Variants in RELN observed in about 807,000 individuals in gnomAD.
RELN encodes reelin.
Under a neutral mutation model 427.6 loss-of-function variants are expected in RELN, and 108 were observed. The ratio of observed to expected loss-of-function variants is 0.25; its 90% CI spans 0.22 to 0.30. RELN has a LOEUF of 0.30. Among genes scored for constraint, RELN ranks in the 10% least tolerant of loss-of-function variants. The pLI, the probability that RELN is intolerant of heterozygous loss-of-function variation, is 1.00. For missense variants in RELN, 3,715 were observed against 4,302.8 expected, an observed-to-expected ratio of 0.86 and a Z score of 3.82; for synonymous variants, 1,524 against 1,513.4, an observed-to-expected ratio of 1.01 and a Z score of -0.16.
chr7:103,763,609 G>A (rs545652552), intron 4 of RELN, among the ~76,000 whole-genome samples: 10 of 152,310 alleles, frequency 6.6e-5, no homozygotes, highest in African/African-American at 2.2e-4. Flanking sequence ...AGGAGGTATG[G>A]AGGAAAGTAC....
intron 28 of RELN, among the ~76,000 whole-genome samples, chr7:103,581,162 A>G (rs1426687051): frequency 1.3e-5 from 2 of 152,220 alleles, no homozygotes; most frequent in African/African-American, 4.8e-5. Context: ...AACCACTATC[A>G]GGGAACAGAC....
At chr7:103,533,334 C>T (rs1829980866) in intron 46 of RELN, among the ~76,000 whole-genome samples, 2 of 152,206 alleles carry the variant, frequency 1.3e-5, no homozygotes, top group Non-Finnish European at 1.5e-5. Context: ...CAATACGTTT[C>T]CAGATAACAG....
In RELN at chr7:103,624,675, G is replaced by A. The variant is rs147990349; in HGVS notation, c.2702+5265C>T. The stretch of plus-strand genomic sequence containing the variant: ...ACTCCTGACCTCAGGTGATCCACCC[G>A]CCTCGGCCTCCCATTGGGATGACAG... On this transcript the variant is annotated intron_variant, in intron 20 of 64. Transcript: ENST00000428762. Among the ~76,000 whole-genome samples the A allele has an allele frequency of 8.1e-3, 1,230 of 152,212 alleles. 28 individuals carry two copies. Among genetic ancestry groups the A allele is most frequent in the African/African-American group, 0.027 (1,124 of 41,520 alleles).
intron 57 of RELN, among the ~76,000 whole-genome samples, chr7:103,495,070 A>T (rs921925090): frequency 4.6e-5 from 7 of 152,032 alleles, no homozygotes; most frequent in Admixed American, 2.6e-4. Flanking sequence ...TTACAAGGGT[A>T]GGGAGACTGA....
intron 2 of RELN, among the ~76,000 whole-genome samples, chr7:103,848,649 G>T (rs1294909765): frequency 6.6e-6 from 1 of 152,122 alleles, no homozygotes; most frequent in Non-Finnish European, 1.5e-5. Context: ...TGTAAACTAG[G>T]TGACACGCCT....
intron 2 of RELN, among the ~76,000 whole-genome samples, chr7:103,843,225 G>A (rs1793596999): frequency 6.6e-6 from 1 of 151,332 alleles, no homozygotes; most frequent in East Asian, 1.9e-4. Context: ...TTTTTTAGGA[G>A]ACAGGGTCTT....
chr7:103,811,535 C>A (rs977860237), intron 3 of RELN, among the ~76,000 whole-genome samples: 1 of 152,162 alleles, frequency 6.6e-6, no homozygotes, highest in Non-Finnish European at 1.5e-5. Context: ...ATAGCCTGCA[C>A]AGAGACTGCA....
At chr7:103,906,826 T>C (rs1482899999) in intron 2 of RELN, among the ~76,000 whole-genome samples, 1 of 152,198 alleles carries the variant, frequency 6.6e-6, no homozygotes, top group Non-Finnish European at 1.5e-5. Context: ...TCTTGATGTC[T>C]AAGCAGAACT....
intron 4 of RELN, among the ~76,000 whole-genome samples, chr7:103,761,807 A>T (rs1416667235): frequency 1.3e-5 from 2 of 152,344 alleles, no homozygotes; most frequent in Admixed American, 1.3e-4. Context: ...TAAAAATCCT[A>T]GACCTTTGAG....
chr7:103,496,420 T>C, intron 56 of RELN, 106 bp downstream of exon 56: 1 of 1,447,808 alleles, frequency 6.9e-7, no homozygotes, highest in African/African-American at 1.4e-5. Flanking sequence ...AGCAGGAGTA[T>C]GGGCTAGGCA....
intron 10 of RELN, among the ~76,000 whole-genome samples, chr7:103,692,022 G>T (rs147253467): frequency 6.6e-5 from 10 of 152,094 alleles, no homozygotes; most frequent in Admixed American, 5.9e-4. Context: ...GTTAAGCCAA[G>T]ATTTGAACCC....
At chr7:103,813,688 A>T (rs1016071803) in intron 3 of RELN, among the ~76,000 whole-genome samples, 3 of 152,184 alleles carry the variant, frequency 2.0e-5, no homozygotes, top group African/African-American at 7.2e-5. Flanking sequence ...CCATGAGCAT[A>T]GCAAGAAAAT....
chr7:103,682,714 A>G (rs1015524697), intron 10 of RELN, among the ~76,000 whole-genome samples: 21 of 152,200 alleles, frequency 1.4e-4, no homozygotes, highest in African/African-American at 4.8e-4. Flanking sequence ...ATATGAGTAG[A>G]ACAGCCAGCT....
At chr7:103,705,058 G>A (rs1349448293) in intron 8 of RELN, among the ~76,000 whole-genome samples, 1 of 152,044 alleles carries the variant, frequency 6.6e-6, no homozygotes, top group Non-Finnish European at 1.5e-5. Flanking sequence ...TTGCTTCTGA[G>A]CCTCCTTTGT....
At chr7:103,534,317 G>A (rs913477845) in intron 46 of RELN, among the ~76,000 whole-genome samples, 1 of 152,112 alleles carries the variant, frequency 6.6e-6, no homozygotes, top group Non-Finnish European at 1.5e-5. Flanking sequence ...AGATGTTAAA[G>A]CTTTCCTATA....
Position 103,524,160 on chromosome 7 carries a change from C to T in RELN, c.7350-629G>A, listed in dbSNP as rs74925621. On this transcript the variant is annotated intron_variant, in intron 46 of 64. Transcript: ENST00000428762. The stretch of plus-strand genomic sequence containing the variant: ...CAGGGGAGCTGTGAGCCTTGGATTT[C>T]GTGTGGGAAGTACCATGGAATGACA... Among the ~76,000 whole-genome samples, 504 of 152,258 alleles carry T rather than the reference C, an allele frequency of 3.3e-3. 2 individuals are homozygous for T. Among genetic ancestry groups the T allele is most frequent in the African/African-American group, 0.012 (480 of 41,548 alleles).
At chr7:103,553,636 T>C (rs1363823146) in intron 39 of RELN, 24 bp downstream of exon 39, 2 of 1,613,754 alleles carry the variant, frequency 1.2e-6, no homozygotes, top group Non-Finnish European at 1.7e-6. Context: ...GCAGTGGTTT[T>C]ATTTTTAGAT....
At chr7:103,784,367 A>G (rs1048781248) in intron 3 of RELN, among the ~76,000 whole-genome samples, 1 of 152,134 alleles carries the variant, frequency 6.6e-6, no homozygotes, top group Non-Finnish European at 1.5e-5. Flanking sequence ...AGCAGCCCTC[A>G]CCTACGTCAG....
chr7:103,784,199 A>G (rs938290236), intron 3 of RELN, among the ~76,000 whole-genome samples: 11 of 152,174 alleles, frequency 7.2e-5, no homozygotes, highest in African/African-American at 1.9e-4. Context: ...GGACTGATGT[A>G]TGTATCAAGG....
Sources: gnomAD v4.1 joint callset for allele counts (sites outside exome capture counted in the v4.1 genomes callset) on GRCh38, gnomAD v4.1.1 for gene constraint, MANE v1.5 for transcripts, NCBI Gene and HGNC (gene_info 2026-07-23, HGNC 2026-07-21) for gene names.